PPL: variants seen among roughly 807,000 people sequenced by gnomAD.
PPL encodes the protein 190 kDa paraneoplastic pemphigus antigen.
In PPL, 198 loss-of-function variants were observed where a neutral mutation model predicts 194.4. The ratio of observed to expected loss-of-function variants is 1.02; its 90% CI spans 0.91 to 1.15. The LOEUF (loss-of-function observed/expected upper bound fraction) is 1.15, where lower values mean the gene tolerates loss of function less well. PPL is among the 50% of genes most tolerant of loss of function. The pLI is 0.00. For missense variants in PPL, 2,885 were observed against 2,294.8 expected (o/e 1.26, Z -5.25); for synonymous variants, 1,220 against 972.4 (o/e 1.25, Z -4.74).
rs191080511 is a variant in PPL, at chr16:4,922,631, C to T, written c.63-11682G>A. The stretch of plus-strand genomic sequence containing the variant: ...GAGCCGAGACTGTGCCACTGCACTC[C>T]AGCCTGGGTGACAGAGCAAGACTCC... On this transcript the variant is annotated intron_variant, in intron 1 of 21. Transcript: ENST00000345988. 4.6e-3 allele frequency among the ~76,000 whole-genome samples: 706 copies of T among 152,178 alleles called. 5 individuals carry two copies. The highest frequency in any genetic ancestry group is 0.016 in the African/African-American group (685 of 41,526).
chr16:4,934,451 C>T (rs1441059340), intron 1 of PPL, among the ~76,000 whole-genome samples: 3 of 152,174 alleles, frequency 2.0e-5, no homozygotes, highest in African/African-American at 7.2e-5. Flanking sequence ...TGCTACAGCA[C>T]TGCTCCTCCC....
rs550974184 is a variant in PPL, at chr16:4,885,332, G to A, written c.3323C>T (p.Ala1108Val). 1.9e-6 allele frequency: 3 copies of A among 1,612,406 alleles called. No individual in the cohort carries two copies. The highest frequency in any genetic ancestry group is 1.3e-5 in the African/African-American group (1 of 74,916). ...LKRLEKERAMAEGKITVKEVL... is the reference protein window; with the variant it reads ...LKRLEKERAMVEGKITVKEVL... ...CTCCTTGACGGTGATCTTGCCCTCG[G>A]CCATGGCCCGCTCCTTCTCTAGCCT... The change falls in exon 22 of 22, where the codon GCC (alanine) becomes GTC (valine). Residue 1108 changes from alanine to valine, a missense_variant. Ala to Val is a moderately conservative substitution (Grantham distance 64). Transcript: ENST00000345988. This position sits in a 1 kb window ranked among gnomAD's most constrained non-coding sequence, Gnocchi z 6.3.
At chr16:4,920,426 G>A (rs1371153231) in intron 1 of PPL, among the ~76,000 whole-genome samples, 1 of 151,082 alleles carries the variant, frequency 6.6e-6, no homozygotes. Flanking sequence ...TGAACTGGAG[G>A]TTCAGAGCAG....
In PPL at chr16:4,884,330, G is replaced by C. The variant is rs748503574; in HGVS notation, c.4325C>G (p.Thr1442Ser). The change falls in exon 22 of 22, where the codon ACC (threonine) becomes AGC (serine). Residue 1442 changes from threonine (T) to serine (S), a missense_variant. Transcript: ENST00000345988. This position sits in a 1 kb window ranked among gnomAD's most constrained non-coding sequence, Gnocchi z 5.7. ...CTGCAGCACCACCTTCTGCGTATGG[G>C]TTACCTTCTCACGGGCCTCAGCTTC... Reference protein sequence around the residue: ...QEEAEAREKVTHTQKVVLQQD... With the variant: ...QEEAEAREKVSHTQKVVLQQD... The C allele has an allele frequency of 7.4e-6, 12 of 1,612,982 alleles. No individual in the cohort carries two copies. Among genetic ancestry groups the C allele is most frequent in the Admixed American group, 6.7e-5 (4 of 59,666 alleles).
rs958109611 is a variant in PPL at position 4,911,629 on chromosome 16, G to A, written c.63-680C>T. Among the ~76,000 whole-genome samples the A allele has an allele frequency of 3.3e-5, 5 of 152,224 alleles. No individual in the cohort carries two copies. In the East Asian group the frequency reaches 9.6e-4, roughly 29 times the overall value. ...GGCTCACTGCAGCCTCTATCTCCCA[G>A]GCTCAAGCAATCCTCCTAGCCCAGC... is the stretch of plus-strand genomic sequence containing the variant. On this transcript the variant is annotated intron_variant, in intron 1 of 21. Transcript: ENST00000345988.
chr16:4,905,874 G>A (rs1008626153), intron 2 of PPL, among the ~76,000 whole-genome samples: 6 of 152,320 alleles, frequency 3.9e-5, no homozygotes, highest in Admixed American at 3.9e-4. Context: ...GGGGGCTGTG[G>A]CAGGAGGATG....
At chr16:4,913,281 A>T (rs1248666485) in intron 1 of PPL, among the ~76,000 whole-genome samples, 1 of 152,132 alleles carries the variant, frequency 6.6e-6, no homozygotes, top group Non-Finnish European at 1.5e-5. Context: ...CCCTGGGGTT[A>T]GCTGTGGGTT....
Position 4,884,145 on chromosome 16 carries a change from T to A in PPL, c.4510A>T (p.Ser1504Cys). ...GTGTCGCCCTTCTCCACCTGGACAC[T>A]CTCGGAGAGCACCACCTTCTCCTTG... ...EVKEKVVLSE[S>C]VQVEKGDTEQ... is the part of the protein sequence containing the mutation. The change falls in exon 22 of 22, where the codon AGT becomes TGT. Residue 1504 changes from serine to cysteine, a missense_variant. Coordinates refer to ENST00000345988, the MANE Select transcript of PPL (RefSeq NM_002705.5). The surrounding 1 kb of genome is among the most constrained non-coding windows in gnomAD (Gnocchi z 5.7). The A allele has an allele frequency of 6.2e-7, 1 of 1,613,662 alleles. No individual in the cohort carries two copies. Among genetic ancestry groups the A allele is most frequent in the Non-Finnish European group, 8.5e-7 (1 of 1,180,000 alleles).
At chr16:4,919,681 C>T (rs909879879) in intron 1 of PPL, among the ~76,000 whole-genome samples, 1 of 152,094 alleles carries the variant, frequency 6.6e-6, no homozygotes, top group African/African-American at 2.4e-5. Context: ...TGTAATCCCA[C>T]CACTTTGGGA....
chr16:4,897,444 C>T (rs2088453323), intron 9 of PPL, among the ~76,000 whole-genome samples: 1 of 151,970 alleles, frequency 6.6e-6, no homozygotes, highest in Admixed American at 6.6e-5. Flanking sequence ...CCCATGTGAC[C>T]TGGGGAATCA....
chr16:4,925,544 T>C (rs2089140434), intron 1 of PPL, among the ~76,000 whole-genome samples: 1 of 152,212 alleles, frequency 6.6e-6, no homozygotes. Context: ...CAAAAAGAAC[T>C]TACTCACCTT....
At chr16:4,915,277 A>G (rs1307964486) in intron 1 of PPL, among the ~76,000 whole-genome samples, 7 of 152,250 alleles carry the variant, frequency 4.6e-5, no homozygotes, top group Admixed American at 4.6e-4. Flanking sequence ...CGGTAGCAGG[A>G]AGCTATGAGC....
Position 4,902,338 on chromosome 16 carries a change from C to G in PPL, c.438+68G>C. Reference sequence around the variant, plus strand: ...GGGATGCCCATTACATGGGTAGGCTCTCCCTGCACACGCACAGCCCCCTCC... The same window carrying G: ...GGGATGCCCATTACATGGGTAGGCTGTCCCTGCACACGCACAGCCCCCTCC... On this transcript the variant is annotated intron_variant, in intron 4 of 21. Transcript: ENST00000345988. The surrounding 1 kb of genome is among the most constrained non-coding windows in gnomAD (Gnocchi z 4.0). 1.3e-6 allele frequency: 2 copies of G among 1,593,684 alleles called. No individual in the cohort carries two copies. Among genetic ancestry groups the G allele is most frequent in the Non-Finnish European group, 1.7e-6 (2 of 1,169,546 alleles).
intron 1 of PPL, among the ~76,000 whole-genome samples, chr16:4,932,799 G>C (rs1427610868): frequency 6.6e-6 from 1 of 152,022 alleles, no homozygotes; most frequent in Non-Finnish European, 1.5e-5. Context: ...ACCAGGTCAT[G>C]GGCTGGACCC....
chr16:4,888,859 C>T, intron 19 of PPL, 119 bp downstream of exon 19: 1 of 961,676 alleles, frequency 1.0e-6, no homozygotes, highest in Non-Finnish European at 1.7e-6. Context: ...GCCGGCAGTG[C>T]CTCGGATGGC....
chr16:4,902,361 TC>T lies in PPL; in HGVS notation c.438+44del. On this transcript the variant is annotated intron_variant, in intron 4 of 21. Coordinates refer to ENST00000345988, the MANE Select transcript of PPL (RefSeq NM_002705.5). This position sits in a 1 kb window ranked among gnomAD's most constrained non-coding sequence, Gnocchi z 4.0. ...CTCTCCCTGCACACGCACAGCCCCC[TC>T]CCCAGCTGAAACCCTGGAGCCAGCG... The T allele has an allele frequency of 6.2e-7, 1 of 1,609,412 alleles. No homozygotes were observed. The highest frequency in any genetic ancestry group is 8.5e-7 in the Non-Finnish European group (1 of 1,177,544).
chr16:4,934,068 G>A (rs114479709), intron 1 of PPL, among the ~76,000 whole-genome samples: 177 of 152,326 alleles, frequency 1.2e-3, no homozygotes, highest in African/African-American at 4.0e-3. Flanking sequence ...CTCTGAGGTC[G>A]CACAGCCAGG....
intron 2 of PPL, among the ~76,000 whole-genome samples, chr16:4,909,424 CTT>C (rs199792362): frequency 8.5e-6 from 1 of 118,244 alleles, no homozygotes; most frequent in African/African-American, 3.9e-5. Context: ...CTGGTCCCAC[CTT>C]TTTTTTTTTT....
In PPL at chr16:4,891,831, TG is replaced by T; in HGVS notation, c.1947del (p.Asp649GlufsTer98). On this transcript the variant is annotated frameshift_variant, in exon 16 of 22. Coordinates refer to ENST00000345988, the MANE Select transcript of PPL (RefSeq NM_002705.5). LOFTEE classifies it high-confidence loss of function. Reference protein sequence around the residue: ...DTVPESSRVLDSKGQELAAMA... With the variant: ...DTVPESSRVLXSKGQELAAMA... ...CTCACCGCCAGCTCCTGCCCCTTGC[TG>T]TCCAGGACACGGCTGCTCTCAGGCA... 6.2e-7 allele frequency: 1 copy of T among 1,612,606 alleles called. No individual in the cohort carries two copies. Among genetic ancestry groups the T allele is most frequent in the Non-Finnish European group, 8.5e-7 (1 of 1,179,636 alleles).
Sources: gnomAD v4.1 joint callset for allele counts (sites outside exome capture counted in the v4.1 genomes callset) on GRCh38, gnomAD v4.1.1 for gene constraint, Gnocchi (gnomAD v3.1) non-coding constraint, MANE v1.5 for transcripts, NCBI Gene and HGNC (gene_info 2026-07-23, HGNC 2026-07-21) for gene names.